Variants in ATXN7L1 observed in about 807,000 individuals in gnomAD.
ATXN7L1 encodes ataxin-7-like protein 1.
In ATXN7L1, 15 loss-of-function variants were observed where a neutral mutation model predicts 70.8. The ratio of observed to expected loss-of-function variants is 0.21; its 90% CI spans 0.14 to 0.33. The LOEUF is 0.33. Among genes scored for constraint, ATXN7L1 ranks in the 10% least tolerant of loss-of-function variants. The probability of loss-of-function intolerance (pLI) is 1.00; values close to 1 mark genes in which losing one functional copy is unlikely to be tolerated. For missense variants in ATXN7L1, 975 were observed against 1,097.1 expected (o/e 0.89, Z 1.57); for synonymous variants, 440 against 445.1 (o/e 0.99, Z 0.14).
intron 2 of ATXN7L1, among the ~76,000 whole-genome samples, chr7:105,853,973 C>T (rs937945108): frequency 6.6e-6 from 1 of 152,130 alleles, no homozygotes; most frequent in Non-Finnish European, 1.5e-5. Flanking sequence ...AGGGGCCTAA[C>T]ATCTGTGGAC....
intron 2 of ATXN7L1, among the ~76,000 whole-genome samples, chr7:105,832,597 A>G (rs927868052): frequency 6.6e-6 from 1 of 152,054 alleles, no homozygotes; most frequent in Non-Finnish European, 1.5e-5. Context: ...TGCACCAACA[A>G]CTTGGAGTAG....
intron 3 of ATXN7L1, among the ~76,000 whole-genome samples, chr7:105,669,056 C>G (rs1474919659): frequency 6.6e-6 from 1 of 152,086 alleles, no homozygotes; most frequent in Non-Finnish European, 1.5e-5. Flanking sequence ...CACAAAACAA[C>G]TGTATCAGTG....
At position 105,642,941 on chromosome 7, in the gene ATXN7L1, T is replaced by C. The variant is rs1219062062; in HGVS notation, c.759A>G (p.Ser253=). 3.2e-6 allele frequency: 5 copies of C among 1,551,592 alleles called. No homozygotes were observed. Among genetic ancestry groups the C allele is most frequent in the African/African-American group, 1.4e-5 (1 of 73,022 alleles). Residue 253 remains serine (S), a synonymous_variant, in exon 5 of 12, where the codon TCA becomes TCG. Coordinates refer to ENST00000419735, the MANE Select transcript of ATXN7L1 (RefSeq NM_020725.2). ...PVLMSKSVPP[S]PEKILNGKGI... Reference sequence around the variant, plus strand: ...CTTTGCCATTTAAGATCTTCTCTGGTGAAGGTGGCACTGACTTGGACATCA... The same window carrying C: ...CTTTGCCATTTAAGATCTTCTCTGGCGAAGGTGGCACTGACTTGGACATCA...
intron 2 of ATXN7L1, among the ~76,000 whole-genome samples, chr7:105,791,228 T>C (rs1805187913): frequency 6.6e-6 from 1 of 152,232 alleles, no homozygotes; most frequent in African/African-American, 2.4e-5. Context: ...AGGTGGCTGC[T>C]TGCCTCATGG....
chr7:105,692,432 C>CCTT (rs1466998072), intron 3 of ATXN7L1, among the ~76,000 whole-genome samples: 10 of 96,124 alleles, frequency 1.0e-4, no homozygotes, highest in African/African-American at 4.3e-4. Flanking sequence ...CTTCCTCCCT[C>CCTT]CCTCCCTCCC....
In ATXN7L1 at chr7:105,807,964, C is replaced by T. The variant is rs542348629; in HGVS notation, c.251-19256G>A. On this transcript the variant is annotated intron_variant, in intron 2 of 11. Coordinates refer to ENST00000419735, the MANE Select transcript of ATXN7L1 (RefSeq NM_020725.2). ...TAACTGATACAAGTCCTTAAAGAGG[C>T]CTGAGCTAGCATCTCCTTCCAGCTC... Among the ~76,000 whole-genome samples the T allele has an allele frequency of 4.6e-5, 7 of 152,356 alleles. No individual in the cohort carries two copies. In the East Asian group the frequency reaches 1.3e-3, roughly 29 times the overall value.
rs571503368 is a variant in ATXN7L1, at chr7:105,677,229, G to A, written c.356-11941C>T. On this transcript the variant is annotated intron_variant, in intron 3 of 11. Coordinates refer to ENST00000419735, the MANE Select transcript of ATXN7L1 (RefSeq NM_020725.2). ...AGCTTCGGGAGTCACTGGAAATGCC[G>A]ACCAAACATGCTGTCTTTGGAATCA... 5.3e-5 allele frequency among the ~76,000 whole-genome samples: 8 copies of A among 152,322 alleles called. No homozygotes were observed. The East Asian group carries it at 5.8e-4, about 11-fold the overall frequency.
At chr7:105,702,801 G>A (rs1051086067) in intron 3 of ATXN7L1, among the ~76,000 whole-genome samples, 1 of 151,888 alleles carries the variant, frequency 6.6e-6, no homozygotes, top group African/African-American at 2.4e-5. Context: ...CCAACACGGA[G>A]AAACCCCGTC....
intron 8 of ATXN7L1, among the ~76,000 whole-genome samples, chr7:105,623,316 G>C (rs905485447): frequency 5.3e-5 from 8 of 152,190 alleles, no homozygotes; most frequent in Non-Finnish European, 1.2e-4. Flanking sequence ...GGGGTCCCAT[G>C]TTCTAGGCCC....
At chr7:105,653,569 TAA>T (rs2115993622) in intron 4 of ATXN7L1, among the ~76,000 whole-genome samples, 1 of 152,352 alleles carries the variant, frequency 6.6e-6, no homozygotes, top group Admixed American at 6.5e-5. Context: ...GTCCACCTCT[TAA>T]ACAGCTGTTA....
At chr7:105,622,910 G>C (rs1368208349) in intron 8 of ATXN7L1, among the ~76,000 whole-genome samples, 1 of 152,168 alleles carries the variant, frequency 6.6e-6, no homozygotes, top group African/African-American at 2.4e-5. Context: ...AAAGTAGAGG[G>C]AATTGCAGAG....
intron 2 of ATXN7L1, among the ~76,000 whole-genome samples, chr7:105,802,830 C>T (rs1807023875): frequency 6.6e-6 from 1 of 152,156 alleles, no homozygotes; most frequent in South Asian, 2.1e-4. Context: ...CCTGGGCTGC[C>T]CAGGGCTCAC....
At chr7:105,762,213 C>T (rs2116415554) in intron 3 of ATXN7L1, among the ~76,000 whole-genome samples, 1 of 152,326 alleles carries the variant, frequency 6.6e-6, no homozygotes, top group Middle Eastern at 3.4e-3. Flanking sequence ...TTAACACTCC[C>T]TCCCAATGAC....
At chr7:105,613,428 C>T (rs773301848) in intron 10 of ATXN7L1, 165 of 965,448 alleles carry the variant, frequency 1.7e-4, no homozygotes, top group Non-Finnish European at 1.9e-4. Flanking sequence ...CCTGCCTGGG[C>T]CTCAAGCTCT....
chr7:105,726,597 T>C (rs1795844317), intron 3 of ATXN7L1, among the ~76,000 whole-genome samples: 1 of 152,312 alleles, frequency 6.6e-6, no homozygotes, highest in South Asian at 2.1e-4. Context: ...AGGTGAGAAA[T>C]ACAGCGTTGA....
intron 9 of ATXN7L1, among the ~76,000 whole-genome samples, chr7:105,616,241 C>T (rs770863024): frequency 8.5e-5 from 13 of 152,164 alleles, no homozygotes; most frequent in Non-Finnish European, 1.9e-4. Context: ...GGCCTCACAC[C>T]GTCCTTTCTC....
intron 2 of ATXN7L1, among the ~76,000 whole-genome samples, chr7:105,815,844 G>A (rs767328767): frequency 6.6e-5 from 10 of 152,232 alleles, no homozygotes; most frequent in Non-Finnish European, 1.3e-4. Flanking sequence ...GCTGGGGACC[G>A]AGAGTTCACA....
chr7:105,678,523 G>A (rs1312208264), intron 3 of ATXN7L1, among the ~76,000 whole-genome samples: 2 of 152,082 alleles, frequency 1.3e-5, no homozygotes, highest in African/African-American at 4.8e-5. Flanking sequence ...AAAAAACCAG[G>A]GTGCTAGTTT....
At chr7:105,629,021 T>G (rs1020911208) in intron 7 of ATXN7L1, among the ~76,000 whole-genome samples, 5 of 151,548 alleles carry the variant, frequency 3.3e-5, no homozygotes, top group Non-Finnish European at 5.9e-5. Context: ...CAAGCTGGAG[T>G]GCAGTGGAGC....
Sources: gnomAD v4.1 joint callset for allele counts (sites outside exome capture counted in the v4.1 genomes callset) on GRCh38, gnomAD v4.1.1 for gene constraint, MANE v1.5 for transcripts, NCBI Gene and HGNC (gene_info 2026-07-23, HGNC 2026-07-21) for gene names.